The following GREB1 variants were observed in gnomAD, a reference collection of about 807,000 sequenced individuals.
GREB1 encodes the protein protein GREB1.
In GREB1, 106 loss-of-function variants were observed where a neutral mutation model predicts 200.7. The observed-to-expected ratio is 0.53, with a 90% CI of 0.45 to 0.62. The LOEUF is 0.62. GREB1 is among the 20% of genes least tolerant of loss of function. The pLI, the probability that GREB1 is intolerant of heterozygous loss-of-function variation, is 0.00. For missense variants in GREB1, 2,243 were observed against 2,556.8 expected (o/e 0.88, Z 2.65); for synonymous variants, 1,132 against 1,092.4 (o/e 1.04, Z -0.72).
rs142490981 is a variant in GREB1 at position 11,617,097 on chromosome 2, G to A, written c.3412+377G>A. ...TGCCCTGTGGGGAGAGGAGCTGAGC[G>A]CAAGGAGAGAAGTAGACATGGAGAC... is the stretch of plus-strand genomic sequence containing the variant. On this transcript the variant is annotated intron_variant, in intron 21 of 32. Coordinates refer to ENST00000381486, the MANE Select transcript of GREB1 (RefSeq NM_014668.4). 2.2e-4 allele frequency among the ~76,000 whole-genome samples: 33 copies of A among 152,328 alleles called. No homozygotes were observed. The East Asian group carries it at 5.6e-3, about 26-fold the overall frequency.
At chr2:11,522,548 C>T (rs1190992048) in intron 1 of GREB1, among the ~76,000 whole-genome samples, 1 of 152,146 alleles carries the variant, frequency 6.6e-6, no homozygotes, top group Admixed American at 6.5e-5. Flanking sequence ...AAATCATGGT[C>T]CCTGCCCTCC....
intron 25 of GREB1, among the ~76,000 whole-genome samples, chr2:11,627,835 T>C (rs1684592297): frequency 6.6e-6 from 1 of 152,240 alleles, no homozygotes; most frequent in Non-Finnish European, 1.5e-5. Flanking sequence ...TCATTGTCCC[T>C]GTTTTATAAA....
chr2:11,642,318 G>T lies in GREB1; in HGVS notation c.*1864G>T, dbSNP rs1685861683. The T allele has an allele frequency of 6.6e-6, 1 of 151,714 alleles. No homozygotes were observed. The highest frequency in any genetic ancestry group is 2.4e-5 in the African/African-American group (1 of 41,284). The allele number at this position is 151,714 out of a possible 1,614,324, so 9.4% of individuals were successfully genotyped here. ...ATTTTTTTTTTTTAGTAGAGATGGG[G>T]TTTCGCCAGGTTGGCCAGGCTGGTC... On this transcript the variant is annotated 3_prime_UTR_variant, in exon 33 of 33. Coordinates refer to ENST00000381486, the MANE Select transcript of GREB1 (RefSeq NM_014668.4).
intron 2 of GREB1, among the ~76,000 whole-genome samples, chr2:11,558,911 GA>G (rs1370906697): frequency 2.0e-5 from 3 of 152,094 alleles, no homozygotes; most frequent in Admixed American, 1.3e-4. Context: ...TTTGTTCTTT[GA>G]ATTAGGGCTG....
chr2:11,542,670 A>G (rs12620490), intron 1 of GREB1: 1 of 150,012 alleles, frequency 6.7e-6, no homozygotes, highest in African/African-American at 2.5e-5. Context: ...TTGGCTTAAG[A>G]GTAAACTGAA....
chr2:11,500,271 C>T (rs1672994872), intron 1 of GREB1, among the ~76,000 whole-genome samples: 1 of 152,240 alleles, frequency 6.6e-6, no homozygotes, highest in African/African-American at 2.4e-5. Context: ...AAGTGATTCT[C>T]CTGCCTCAGC....
chr2:11,564,245 G>A lies in GREB1; in HGVS notation c.277+1663G>A, dbSNP rs1572718360. ...TGCCTTGGGGACTGGACTTGACCCT[G>A]AGCATGATGACTGGGAGGGGAGGGA... On this transcript the variant is annotated intron_variant, in intron 3 of 32. Coordinates refer to ENST00000381486, the MANE Select transcript of GREB1 (RefSeq NM_014668.4). Among the ~76,000 whole-genome samples, 2 of 152,300 alleles carry A rather than the reference G, an allele frequency of 1.3e-5. 1 individual carries two copies.
At chr2:11,567,615 T>A (rs1486174418) in intron 4 of GREB1, among the ~76,000 whole-genome samples, 1 of 152,132 alleles carries the variant, frequency 6.6e-6, no homozygotes, top group Non-Finnish European at 1.5e-5. Flanking sequence ...GCCACCGTTT[T>A]CCCTTCCAGC....
intron 10 of GREB1, among the ~76,000 whole-genome samples, chr2:11,590,425 G>A (rs1377196678): frequency 6.6e-6 from 1 of 152,074 alleles, no homozygotes; most frequent in Non-Finnish European, 1.5e-5. Flanking sequence ...TGCTTGCTCT[G>A]TCCCAGCCCA....
At position 11,527,929 on chromosome 2, in the gene GREB1, C is replaced by T. The variant is rs115395055; in HGVS notation, c.-158-28528C>T. ...AACTGCTTTAAGACCTATCAATATC[C>T]CTAAGTCCCTTAATTTCCTTTCCCT... On this transcript the variant is annotated intron_variant, in intron 1 of 2. Coordinates refer to the GREB1 transcript ENST00000628795. Among the ~76,000 whole-genome samples, 169 of 152,334 alleles carry T rather than the reference C, an allele frequency of 1.1e-3. 1 individual carries two copies. Among genetic ancestry groups the T allele is most frequent in the African/African-American group, 4.0e-3 (165 of 41,586 alleles).
chr2:11,582,044 G>C (rs890766865), intron 7 of GREB1, among the ~76,000 whole-genome samples: 6 of 142,250 alleles, frequency 4.2e-5, no homozygotes, highest in African/African-American at 1.7e-4. Context: ...TTTCATCCAG[G>C]GACTGCTGCT....
chr2:11,556,761 C>T lies in GREB1; in HGVS notation c.147C>T (p.Ala49=), dbSNP rs776298348. The change falls in exon 2 of 33, where the codon GCC becomes GCT. Residue 49 remains alanine (A), a synonymous_variant. Transcript: ENST00000381486. ...ACCTGGAAGCTGAGCAGCAGCTTGC[C>T]GCTCTAGAAGGTGGGAGACGCACGT... ...QLYLEAEQQL[A]ALEGGSRVDN... 6 of 1,613,756 alleles carry T rather than the reference C, an allele frequency of 3.7e-6. No homozygotes were observed. The highest frequency in any genetic ancestry group is 1.1e-5 in the South Asian group (1 of 91,002).
chr2:11,513,755 C>A (rs536660155), intron 1 of GREB1, among the ~76,000 whole-genome samples: 120 of 152,198 alleles, frequency 7.9e-4, no homozygotes, highest in Middle Eastern at 6.8e-3. Flanking sequence ...GTATGAAGTG[C>A]TCTTCCAGGC....
At chr2:11,518,769 C>T (rs1052779274) in intron 1 of GREB1, among the ~76,000 whole-genome samples, 2 of 149,950 alleles carry the variant, frequency 1.3e-5, no homozygotes, top group South Asian at 2.1e-4. Flanking sequence ...AAAGAAAAAG[C>T]GCATATGCAT....
rs1180820409 is a variant in GREB1 at position 11,485,261 on chromosome 2, A to ATTTTAT, written c.-159+2881_-159+2882insTTTATT. Reference sequence around the variant, plus strand: ...CATTTATTTTATTTTATTTTATTTTATATATATATATGTATTTTTTTTTTT... The same window carrying ATTTTAT: ...CATTTATTTTATTTTATTTTATTTTATTTTATTATATATATATGTATTTTTTTTTTT... On this transcript the variant is annotated intron_variant, in intron 1 of 2. Coordinates refer to the GREB1 transcript ENST00000628795. 4.2e-3 allele frequency among the ~76,000 whole-genome samples: 498 copies of ATTTTAT among 117,372 alleles called. 6 individuals are homozygous for ATTTTAT. The highest frequency in any genetic ancestry group is 0.015 in the African/African-American group (478 of 32,046). The allele number at this position is 117,372 out of a possible 152,430, so 77.0% of individuals were successfully genotyped here.
At chr2:11,600,741 C>A in intron 15 of GREB1, 59 bp from the exon 16 acceptor site, 1 of 1,409,360 alleles carries the variant, frequency 7.1e-7, no homozygotes. Flanking sequence ...AACTGCTTCA[C>A]CTTGCAAAAT....
intron 25 of GREB1, among the ~76,000 whole-genome samples, chr2:11,628,071 C>A (rs1466850844): frequency 6.6e-6 from 1 of 152,000 alleles, no homozygotes; most frequent in African/African-American, 2.4e-5. Flanking sequence ...CAGGCAGAGG[C>A]CAGACCACAA....
chr2:11,603,514 C>T (rs746869154), intron 17 of GREB1, among the ~76,000 whole-genome samples: 1 of 152,222 alleles, frequency 6.6e-6, no homozygotes, highest in Non-Finnish European at 1.5e-5. Flanking sequence ...TTCTTGGAGC[C>T]TTCAGCACAT....
intron 1 of GREB1, among the ~76,000 whole-genome samples, chr2:11,483,247 G>GGTGTGCGT (rs1227221399): frequency 3.4e-5 from 5 of 148,708 alleles, no homozygotes; most frequent in African/African-American, 1.3e-4. Flanking sequence ...TGCGTGTATG[G>GGTGTGCGT]GTGTGCGTGT....
Sources: allele counts gnomAD v4.1 joint callset (sites outside exome capture counted in the v4.1 genomes callset), GRCh38; gene constraint gnomAD v4.1.1; transcripts MANE v1.5; gene names NCBI Gene and HGNC (gene_info 2026-07-23, HGNC 2026-07-21).